The following DGKD variants were observed in gnomAD, a reference collection of about 807,000 sequenced individuals.
DGKD encodes diacylglycerol kinase delta.
DGKD carries 68 observed loss-of-function variants against 154.4 expected under a neutral mutation model. That is an observed-to-expected ratio of 0.44 (90% CI 0.36 to 0.54). DGKD has a LOEUF of 0.54. Ranked by LOEUF, DGKD falls within the 20% of genes least tolerant of loss-of-function variation. The pLI is 0.00. For synonymous variants in DGKD, 693 were observed against 638.0 expected (o/e 1.09, Z -1.30); for missense variants, 1,343 against 1,593.6 (o/e 0.84, Z 2.68).
At position 233,445,537 on chromosome 2, in the gene DGKD, C is replaced by G; in HGVS notation, c.1195-86C>G. On this transcript the variant is annotated intron_variant, in intron 10 of 29. Coordinates refer to ENST00000264057, the MANE Select transcript of DGKD (RefSeq NM_152879.3). This position sits in a 1 kb window ranked among gnomAD's most constrained non-coding sequence, Gnocchi z 5.5. ...CCCCACATTGCTAACGTAACCCTCA[C>G]GGTGGGGGACAAGGAGGGCTGCGGG... The G allele has an allele frequency of 6.7e-7, 1 of 1,498,306 alleles. No homozygotes were observed. Among genetic ancestry groups the G allele is most frequent in the Non-Finnish European group, 8.9e-7 (1 of 1,120,288 alleles). The allele number at this position is 1,498,306 out of a possible 1,614,324, so 92.8% of individuals were successfully genotyped here. A position where few individuals can be genotyped will look rare whatever the true frequency, so the allele number is the denominator to read the frequency against.
intron 12 of DGKD, chr2:233,447,745 C>A: frequency 9.0e-7 from 1 of 1,110,668 alleles, no homozygotes; most frequent in Non-Finnish European, 1.1e-6. Flanking sequence ...CAAACGGACC[C>A]AAACCTGGAG....
intron 10 of DGKD, among the ~76,000 whole-genome samples, chr2:233,444,245 G>A (rs1204364627): frequency 6.6e-6 from 1 of 152,084 alleles, no homozygotes; most frequent in Non-Finnish European, 1.5e-5. Flanking sequence ...TCGGACAGTT[G>A]TTCTTGGTTC....
intron 3 of DGKD, among the ~76,000 whole-genome samples, chr2:233,409,989 C>A (rs2061786697): frequency 2.6e-5 from 4 of 151,972 alleles, no homozygotes; most frequent in South Asian, 2.1e-4. Flanking sequence ...GTTTTCTTTT[C>A]TTTTTCTTTT....
intron 1 of DGKD, among the ~76,000 whole-genome samples, chr2:233,358,753 A>G (rs961180651): frequency 2.6e-5 from 4 of 152,224 alleles, no homozygotes; most frequent in Non-Finnish European, 5.9e-5. Flanking sequence ...TTGCTGGGTA[A>G]TATTCCATTC....
chr2:233,456,659 G>A (rs763392242), intron 19 of DGKD, among the ~76,000 whole-genome samples: 7 of 152,154 alleles, frequency 4.6e-5, no homozygotes, highest in Non-Finnish European at 8.8e-5. Flanking sequence ...TTACCTTTCA[G>A]GGTATGATTA....
Position 233,436,300 on chromosome 2 carries a change from C to G in DGKD, c.694-16C>G. 1 of 1,614,078 alleles carries G rather than the reference C, an allele frequency of 6.2e-7. No individual in the cohort carries two copies. The highest frequency in any genetic ancestry group is 8.5e-7 in the Non-Finnish European group (1 of 1,180,002). Reference sequence around the variant, plus strand: ...CCTTGGGAGCGTCCCTAGTGCGTGCCTCTGTTTGGTTGCAGATTGCAATGC... The same window carrying G: ...CCTTGGGAGCGTCCCTAGTGCGTGCGTCTGTTTGGTTGCAGATTGCAATGC... On this transcript the variant is annotated splice_polypyrimidine_tract_variant and intron_variant, in intron 6 of 29. Transcript: ENST00000264057.
intron 1 of DGKD, among the ~76,000 whole-genome samples, chr2:233,357,537 CTT>C (rs374813757): frequency 8.1e-4 from 104 of 129,144 alleles, no homozygotes; most frequent in African/African-American, 1.7e-3. Flanking sequence ...TTCTTTCTTT[CTT>C]TTTTTTTTTT....
At chr2:233,367,716 T>C (rs1041246231) in intron 1 of DGKD, among the ~76,000 whole-genome samples, 6 of 152,178 alleles carry the variant, frequency 3.9e-5, no homozygotes, top group African/African-American at 1.4e-4. Context: ...ATTTTGGGCA[T>C]ATCCCTAAAT....
chr2:233,414,241 A>G (rs2061901613), intron 3 of DGKD, among the ~76,000 whole-genome samples: 1 of 152,202 alleles, frequency 6.6e-6, no homozygotes, highest in Non-Finnish European at 1.5e-5. Flanking sequence ...GACTGCATTC[A>G]GGTCCCCAGC....
At chr2:233,390,327 G>A (rs1703514419) in intron 2 of DGKD, 76 bp from the exon 3 acceptor site, 5 of 1,059,610 alleles carry the variant, frequency 4.7e-6, no homozygotes, top group Admixed American at 4.0e-5. Flanking sequence ...ATTGGGGTGT[G>A]GTGGGCAGCG....
Position 233,446,607 on chromosome 2 carries a change from A to G in DGKD, c.1335-105A>G, listed in dbSNP as rs1018318801. On this transcript the variant is annotated intron_variant, in intron 11 of 29. Coordinates refer to ENST00000264057, the MANE Select transcript of DGKD (RefSeq NM_152879.3). ...CAAGGGCCTAAAAATGAAGTCAGAA[A>G]CGGTGTAAAGATCAAGGCTGCCAGC... 5 of 1,168,564 alleles carry G rather than the reference A, an allele frequency of 4.3e-6. No individual in the cohort carries two copies. In the African/African-American group the frequency reaches 4.6e-5, roughly 11 times the overall value. 72.4% of individuals were successfully genotyped at this position (1,168,564 alleles called of 1,614,324 possible).
chr2:233,410,629 A>G (rs1490154383), intron 3 of DGKD, among the ~76,000 whole-genome samples: 1 of 152,242 alleles, frequency 6.6e-6, no homozygotes, highest in Non-Finnish European at 1.5e-5. Context: ...GATAAGCTAT[A>G]TGGTCACCCT....
intron 3 of DGKD, among the ~76,000 whole-genome samples, chr2:233,423,351 C>T (rs994988242): frequency 2.6e-5 from 4 of 152,042 alleles, no homozygotes; most frequent in Non-Finnish European, 5.9e-5. Context: ...GCAGAGTGGC[C>T]GTAATGTTTT....
chr2:233,427,903 C>T (rs2062366378), intron 3 of DGKD, among the ~76,000 whole-genome samples: 1 of 152,182 alleles, frequency 6.6e-6, no homozygotes, highest in Admixed American at 6.5e-5. Context: ...CTGCCACCTG[C>T]CCTGGTGGGC....
intron 27 of DGKD, 30 bp downstream of exon 27, chr2:233,464,313 C>A: frequency 6.2e-7 from 1 of 1,608,904 alleles, no homozygotes; most frequent in South Asian, 1.1e-5. Flanking sequence ...GTGCCTGGGT[C>A]TCCCGGACAT....
At chr2:233,402,254 A>G (rs2061579038) in intron 3 of DGKD, among the ~76,000 whole-genome samples, 1 of 152,306 alleles carries the variant, frequency 6.6e-6, no homozygotes, top group South Asian at 2.1e-4. Context: ...CACCTTTTGG[A>G]ACTTTCCCCA....
At chr2:233,415,005 G>A (rs773134727) in intron 3 of DGKD, among the ~76,000 whole-genome samples, 1 of 152,134 alleles carries the variant, frequency 6.6e-6, no homozygotes, top group African/African-American at 2.4e-5. Context: ...TGCCTGGGCC[G>A]GTCTGGAGAT....
chr2:233,374,206 A>T (rs946809280), intron 1 of DGKD, among the ~76,000 whole-genome samples: 1 of 151,928 alleles, frequency 6.6e-6, no homozygotes, highest in African/African-American at 2.4e-5. Flanking sequence ...GCCTGCTACG[A>T]TGCCTGGCTA....
intron 3 of DGKD, among the ~76,000 whole-genome samples, chr2:233,424,867 C>G (rs948881239): frequency 6.6e-6 from 1 of 152,226 alleles, no homozygotes; most frequent in African/African-American, 2.4e-5. Flanking sequence ...TATCAGCTGC[C>G]ATGTGTGTGT....
Sources: allele counts gnomAD v4.1 joint callset (sites outside exome capture counted in the v4.1 genomes callset), GRCh38; gene constraint gnomAD v4.1.1; non-coding constraint Gnocchi (gnomAD v3.1); transcripts MANE v1.5; gene names NCBI Gene and HGNC (gene_info 2026-07-23, HGNC 2026-07-21).